Variants in KCNIP1 observed in about 807,000 individuals in gnomAD.
KCNIP1 encodes the protein A-type potassium channel modulatory protein KCNIP1.
In KCNIP1, 18 loss-of-function variants were observed where a neutral mutation model predicts 33.0. The ratio of observed to expected loss-of-function variants is 0.55; its 90% CI spans 0.38 to 0.81. KCNIP1 has a LOEUF of 0.81. KCNIP1 is among the 30% of genes least tolerant of loss of function. The probability of loss-of-function intolerance (pLI) is 0.00; values close to 1 mark genes in which losing one functional copy is unlikely to be tolerated. For missense variants in KCNIP1, 238 were observed against 271.6 expected, an observed-to-expected ratio of 0.88 and a Z score of 0.87; for synonymous variants, 93 against 98.3, an observed-to-expected ratio of 0.95 and a Z score of 0.32.
upstream of KCNIP1, chr5:170,503,983 C>G (rs909735640): frequency 1.1e-6 from 1 of 935,134 alleles, no homozygotes; most frequent in Non-Finnish European, 1.3e-6. Flanking sequence ...CGTAGTTGCC[C>G]GCCCGCCGCC....
chr5:170,511,068 G>A (rs1354029148), intron 1 of KCNIP1, among the ~76,000 whole-genome samples: 1 of 152,134 alleles, frequency 6.6e-6, no homozygotes, highest in East Asian at 1.9e-4. Flanking sequence ...AATTAGCCGG[G>A]CATGGTGGCA....
intron 1 of KCNIP1, among the ~76,000 whole-genome samples, chr5:170,435,360 A>G (rs1161220165): frequency 1.3e-5 from 2 of 152,178 alleles, no homozygotes; most frequent in Non-Finnish European, 2.9e-5. Flanking sequence ...AGCATATTTC[A>G]GAGGTTCACT....
intron 1 of KCNIP1, among the ~76,000 whole-genome samples, chr5:170,612,169 T>A (rs1246040699): frequency 6.6e-6 from 1 of 152,088 alleles, no homozygotes; most frequent in Non-Finnish European, 1.5e-5. Context: ...AGACACCCAA[T>A]GACAACATTG....
At chr5:170,539,665 G>A (rs2112601) in intron 1 of KCNIP1, among the ~76,000 whole-genome samples, 42,082 of 152,046 alleles carry the variant, frequency 0.28, 9,145 homozygotes, top group African/African-American at 0.61. Flanking sequence ...CATTGTCCTC[G>A]CTAGACTTCA....
At position 170,678,139 on chromosome 5, in the gene KCNIP1, A is replaced by C. The variant is rs1266096377; in HGVS notation, c.62-40619A>C. Among the ~76,000 whole-genome samples, 3 of 152,250 alleles carry C rather than the reference A, an allele frequency of 2.0e-5. No individual in the cohort carries two copies. In the East Asian group the frequency reaches 5.8e-4, roughly 29 times the overall value. On this transcript the variant is annotated intron_variant, in intron 1 of 7. Coordinates refer to ENST00000328939, the MANE Select transcript of KCNIP1 (RefSeq NM_014592.4). Reference sequence around the variant, plus strand: ...AGAGAGATTTGTGAAGAAACCTTGTAGCTCTGATGGAACTGGGATGTGAGA... The same window carrying C: ...AGAGAGATTTGTGAAGAAACCTTGTCGCTCTGATGGAACTGGGATGTGAGA...
upstream of KCNIP1, among the ~76,000 whole-genome samples, chr5:170,499,066 A>G (rs923767474): frequency 6.6e-6 from 1 of 152,166 alleles, no homozygotes; most frequent in African/African-American, 2.4e-5. Context: ...TTTGCTTTCT[A>G]AAAGCTCCCA....
At chr5:170,659,397 G>T (rs1353047833) in intron 1 of KCNIP1, among the ~76,000 whole-genome samples, 2 of 152,164 alleles carry the variant, frequency 1.3e-5, no homozygotes, top group East Asian at 3.8e-4. Flanking sequence ...GAATACAAGG[G>T]AGACTTCAAG....
chr5:170,467,917 CAAAAAAAAA>C (rs55671124), intron 1 of KCNIP1, among the ~76,000 whole-genome samples: 3 of 41,952 alleles, frequency 7.2e-5, no homozygotes, highest in Non-Finnish European at 1.5e-4. Context: ...GATTCCATCT[CAAAAAAAAA>C]AAAAAAAAAA....
intron 1 of KCNIP1, among the ~76,000 whole-genome samples, chr5:170,367,455 A>AG (rs1247582220): frequency 3.3e-5 from 5 of 151,100 alleles, no homozygotes; most frequent in South Asian, 2.1e-4. Context: ...AAGGAAAGAA[A>AG]GAAAGAAAGA....
chr5:170,424,816 C>T (rs1053660712), intron 1 of KCNIP1, among the ~76,000 whole-genome samples: 2 of 152,232 alleles, frequency 1.3e-5, no homozygotes, highest in African/African-American at 4.8e-5. Context: ...AAAGCCCAAC[C>T]TCCCACCATG....
chr5:170,546,831 G>A (rs552668142), intron 1 of KCNIP1, among the ~76,000 whole-genome samples: 118 of 152,050 alleles, frequency 7.8e-4, no homozygotes, highest in African/African-American at 2.7e-3. Context: ...AGAGTCACTC[G>A]CACATAAATA....
chr5:170,690,744 T>C (rs1300654066), intron 1 of KCNIP1, among the ~76,000 whole-genome samples: 1 of 152,246 alleles, frequency 6.6e-6, no homozygotes, highest in Non-Finnish European at 1.5e-5. Flanking sequence ...AACTTTAGAA[T>C]TGAATTACAT....
chr5:170,662,220 T>A (rs1761526891), intron 1 of KCNIP1, among the ~76,000 whole-genome samples: 1 of 152,206 alleles, frequency 6.6e-6, no homozygotes, highest in South Asian at 2.1e-4. Flanking sequence ...TTAGTTTATT[T>A]GGGGTAAGCT....
rs67542248 is a variant in KCNIP1, at chr5:170,451,723, T to TTGTGTGTGTGTGTGTGTG, written c.88+97789_88+97806dup. Among the ~76,000 whole-genome samples the TTGTGTGTGTGTGTGTGTG allele has an allele frequency of 3.0e-3, 369 of 122,958 alleles. 5 individuals carry two copies. The highest frequency in any genetic ancestry group is 4.4e-3 in the African/African-American group (138 of 31,108). The allele number at this position is 122,958 out of a possible 152,430, so 80.7% of individuals were successfully genotyped here. A position where few individuals can be genotyped will look rare whatever the true frequency, so the allele number is the denominator to read the frequency against. ...GACAGTTGCTTCAGCTTCTCCTGCA[T>TTGTGTGTGTGTGTGTGTG]TGTGTGTGTGTGTGTGTGTGTGTGT... On this transcript the variant is annotated intron_variant, in intron 1 of 7. Coordinates refer to the KCNIP1 transcript ENST00000377360.
intron 5 of KCNIP1, among the ~76,000 whole-genome samples, chr5:170,729,608 G>A (rs1764127382): frequency 6.6e-6 from 1 of 151,910 alleles, no homozygotes; most frequent in Non-Finnish European, 1.5e-5. Flanking sequence ...TAGTTCATGG[G>A]AAAATAAATA....
At chr5:170,600,763 G>A (rs1275775860) in intron 1 of KCNIP1, among the ~76,000 whole-genome samples, 1 of 152,124 alleles carries the variant, frequency 6.6e-6, no homozygotes, top group Non-Finnish European at 1.5e-5. Flanking sequence ...AAAAGGGCCT[G>A]GATTCAGATC....
intron 1 of KCNIP1, among the ~76,000 whole-genome samples, chr5:170,686,358 G>C (rs1045098771): frequency 1.3e-5 from 2 of 152,050 alleles, no homozygotes; most frequent in African/African-American, 4.8e-5. Context: ...ATGAGAGAGA[G>C]GGGGAGGGAG....
chr5:170,706,384 C>G (rs981218817), intron 1 of KCNIP1, among the ~76,000 whole-genome samples: 3 of 152,156 alleles, frequency 2.0e-5, no homozygotes, highest in Non-Finnish European at 4.4e-5. Context: ...TTCATTTCAA[C>G]AACTTCACAC....
At chr5:170,679,394 T>C (rs1762251652) in intron 1 of KCNIP1, 1 of 152,214 alleles carries the variant, frequency 6.6e-6, no homozygotes, top group East Asian at 1.9e-4. Flanking sequence ...GACAAGATTT[T>C]CCCGAGTCTC....
Sources: allele counts gnomAD v4.1 joint callset (sites outside exome capture counted in the v4.1 genomes callset), GRCh38; gene constraint gnomAD v4.1.1; transcripts MANE v1.5; gene names NCBI Gene and HGNC (gene_info 2026-07-23, HGNC 2026-07-21).